The following MAF variants were observed in gnomAD, a reference collection of about 807,000 sequenced individuals.
MAF encodes MAF bZIP transcription factor, also known as transcription factor Maf.
A neutral mutation model predicts 22.0 loss-of-function variants in MAF; 10 were observed. The ratio of observed to expected loss-of-function variants is 0.45; its 90% confidence interval spans 0.28 to 0.77. The LOEUF is 0.77. Ranked by LOEUF, MAF falls within the 30% of genes least tolerant of loss-of-function variation. The pLI, the probability that MAF is intolerant of heterozygous loss-of-function variation, is 0.12. For missense variants in MAF, 544 were observed against 548.4 expected, an observed-to-expected ratio of 0.99 and a Z score of 0.08; for synonymous variants, 337 against 255.8, an observed-to-expected ratio of 1.32 and a Z score of -3.03.
chr16:79,293,837 AAGAGAGAGAG>A, the MAF span, among the ~76,000 whole-genome samples: 29,775 of 148,332 alleles, frequency 0.2, 3,083 homozygotes, highest in East Asian at 0.4. Flanking sequence ...TCTAAATGAA[AAGAGAGAGAG>A]AGAGAGAGAG....
chr16:79,328,405 CAG>C, the MAF span, among the ~76,000 whole-genome samples: 2 of 152,134 alleles, frequency 1.3e-5, no homozygotes, highest in African/African-American at 2.4e-5. Flanking sequence ...GAGAGGGAAA[CAG>C]GGGCAAAAGG....
At chr16:79,257,703 A>G in the MAF span, among the ~76,000 whole-genome samples, 2 of 152,314 alleles carry the variant, frequency 1.3e-5, no homozygotes, top group East Asian at 1.9e-4. Flanking sequence ...CAGTCTGTAC[A>G]TGTAATTTGT....
At chr16:79,561,502 T>C in the MAF span, among the ~76,000 whole-genome samples, 1 of 143,094 alleles carries the variant, frequency 7.0e-6, no homozygotes, top group Admixed American at 7.0e-5. Flanking sequence ...GTGTGTGATG[T>C]TCCCCTTCCT....
At chr16:79,400,132 A>G in the MAF span, among the ~76,000 whole-genome samples, 1 of 152,174 alleles carries the variant, frequency 6.6e-6, no homozygotes, top group Non-Finnish European at 1.5e-5. Context: ...ATTGACATCT[A>G]GTGGGTAGAC....
chr16:79,544,417 T>C, the MAF span, among the ~76,000 whole-genome samples: 890 of 152,230 alleles, frequency 5.8e-3, 9 homozygotes, highest in Non-Finnish European at 9.7e-3. Flanking sequence ...GATGGAGGTA[T>C]TTTGAGTGAT....
At chr16:79,596,369 G>GT in intron 1 of MAF, 1 of 1,058,986 alleles carries the variant, frequency 9.4e-7, no homozygotes, top group Non-Finnish European at 1.1e-6. Flanking sequence ...CTGAATTACT[G>GT]TCTCCCTATT....
At chr16:79,338,002 T>C in the MAF span, among the ~76,000 whole-genome samples, 2 of 152,214 alleles carry the variant, frequency 1.3e-5, no homozygotes, top group Non-Finnish European at 2.9e-5. Flanking sequence ...TGTCAGGCCC[T>C]GTGCTAGGCA....
At chr16:79,450,161 C>T in the MAF span, among the ~76,000 whole-genome samples, 7 of 152,180 alleles carry the variant, frequency 4.6e-5, no homozygotes, top group South Asian at 8.3e-4. Context: ...CAGAGTTACA[C>T]GCAGAGTAAC....
the MAF span, among the ~76,000 whole-genome samples, chr16:79,543,551 C>A: frequency 5.3e-5 from 8 of 152,196 alleles, no homozygotes; most frequent in African/African-American, 1.9e-4. Flanking sequence ...CGCTCAGTCA[C>A]AAAATTCCTT....
At chr16:79,350,257 A>G in the MAF span, among the ~76,000 whole-genome samples, 8 of 152,186 alleles carry the variant, frequency 5.3e-5, no homozygotes, top group Non-Finnish European at 1.0e-4. Context: ...TAAGTTAACC[A>G]GCACTTCTAA....
the MAF span, among the ~76,000 whole-genome samples, chr16:79,269,101 G>C: frequency 3.3e-5 from 5 of 152,136 alleles, no homozygotes; most frequent in Admixed American, 1.3e-4. Flanking sequence ...CCTGGGACCT[G>C]TCTCTATGTT....
the MAF span, among the ~76,000 whole-genome samples, chr16:79,370,604 A>G: frequency 1.3e-5 from 2 of 152,192 alleles, no homozygotes; most frequent in South Asian, 4.1e-4. Flanking sequence ...CCTCTGCAGG[A>G]TCCTAGGGTA....
At chr16:79,562,577 G>C in the MAF span, among the ~76,000 whole-genome samples, 1 of 152,258 alleles carries the variant, frequency 6.6e-6, no homozygotes, top group East Asian at 1.9e-4. Flanking sequence ...CACCACAGAA[G>C]GTCTTTCAGC....
At chr16:79,212,273 G>A in the MAF span, 9 of 1,225,348 alleles carry the variant, frequency 7.3e-6, no homozygotes, top group Admixed American at 2.9e-5. Context: ...CATTCATCCT[G>A]ACCAAGACTG....
At chr16:79,464,829 G>A in the MAF span, among the ~76,000 whole-genome samples, 1 of 152,200 alleles carries the variant, frequency 6.6e-6, no homozygotes, top group Non-Finnish European at 1.5e-5. Flanking sequence ...TGGCGAATAT[G>A]ACAAGAAAGT....
At chr16:79,567,202 C>T in the MAF span, among the ~76,000 whole-genome samples, 2 of 152,094 alleles carry the variant, frequency 1.3e-5, no homozygotes, top group Admixed American at 6.5e-5. Flanking sequence ...CTTGTAATCC[C>T]AGCTACTTGG....
At chr16:79,528,667 A>AG in the MAF span, among the ~76,000 whole-genome samples, 1 of 152,046 alleles carries the variant, frequency 6.6e-6, no homozygotes, top group African/African-American at 2.4e-5. Context: ...AGAAAAAAAA[A>AG]AAAAGAAAGG....
At chr16:79,391,493 T>A in the MAF span, among the ~76,000 whole-genome samples, 2 of 152,260 alleles carry the variant, frequency 1.3e-5, no homozygotes, top group Admixed American at 1.3e-4. Flanking sequence ...GTTAAGATTA[T>A]AATAAAGAGT....
the MAF span, among the ~76,000 whole-genome samples, chr16:79,580,438 T>G: frequency 6.6e-6 from 1 of 152,052 alleles, no homozygotes; most frequent in Non-Finnish European, 1.5e-5. Context: ...CACTGACAAA[T>G]AAGATGAGGA....
Sources: gnomAD v4.1 joint callset for allele counts (sites outside exome capture counted in the v4.1 genomes callset) on GRCh38, gnomAD v4.1.1 for gene constraint, MANE v1.5 for transcripts, NCBI Gene and HGNC (gene_info 2026-07-23, HGNC 2026-07-21) for gene names.